The following TRDN variants were observed in gnomAD, a reference collection of about 807,000 sequenced individuals.
TRDN encodes triadin in skeletal muscle.
A neutral mutation model predicts 149.7 loss-of-function variants in TRDN; 161 were observed. That is an observed-to-expected ratio of 1.08 (90% CI 0.95 to 1.23). TRDN has a LOEUF of 1.23. Among genes scored for constraint, TRDN ranks in the 50% most tolerant of loss-of-function variants. TRDN has a pLI of 0.00. For missense variants in TRDN, 896 were observed against 823.5 expected, an observed-to-expected ratio of 1.09 and a Z score of -1.08; for synonymous variants, 294 against 250.5, an observed-to-expected ratio of 1.17 and a Z score of -1.64.
At chr6:123,245,763 C>T (rs748101791) in intron 38 of TRDN, among the ~76,000 whole-genome samples, 11 of 152,176 alleles carry the variant, frequency 7.2e-5, no homozygotes, top group Admixed American at 1.3e-4. Context: ...CTACAGAACT[C>T]TCCAACCAAA....
chr6:123,357,139 C>CA (rs1455602917), intron 20 of TRDN, among the ~76,000 whole-genome samples: 1 of 151,820 alleles, frequency 6.6e-6, no homozygotes, highest in South Asian at 2.1e-4. Context: ...ATTAGATCTC[C>CA]AAAATCCCAC....
In TRDN at chr6:123,456,826, T is replaced by C. The variant is rs1052244370; in HGVS notation, c.931+8080A>G. 8.8e-6 allele frequency: 4 copies of C among 455,910 alleles called. No homozygotes were observed. In the East Asian group the frequency reaches 2.8e-4, roughly 32 times the overall value. The allele number at this position is 455,910 out of a possible 1,614,324, so 28.2% of individuals were successfully genotyped here. ...TGTAAAATACACTTGGTCTTGAAGATGCAGCCACTTTTCTCACTCATTCTA... is the reference window on the plus strand; with the variant it reads ...TGTAAAATACACTTGGTCTTGAAGACGCAGCCACTTTTCTCACTCATTCTA... On this transcript the variant is annotated intron_variant, in intron 10 of 40. Transcript: ENST00000334268.
intron 6 of TRDN, among the ~76,000 whole-genome samples, chr6:123,514,415 C>A (rs1354439648): frequency 6.6e-6 from 1 of 152,054 alleles, no homozygotes; most frequent in Non-Finnish European, 1.5e-5. Context: ...TGAATTAATT[C>A]TTGAATGAAG....
intron 24 of TRDN, among the ~76,000 whole-genome samples, chr6:123,299,259 G>C (rs563262277): frequency 6.6e-6 from 1 of 152,108 alleles, no homozygotes; most frequent in African/African-American, 2.4e-5. Context: ...AGGGGGTGAA[G>C]GGTTTGTGAG....
rs1490886443 is a variant in TRDN, at chr6:123,584,885, C to T, written c.23-13753G>A. On this transcript the variant is annotated intron_variant, in intron 1 of 40. Transcript: ENST00000334268. ...GCAAAACAATTTGGTTGATAAGGCG[C>T]AGATCCTGAACTAACTTGTAAGGCT... Among the ~76,000 whole-genome samples the T allele has an allele frequency of 9.9e-5, 15 of 152,232 alleles. No homozygotes were observed. The East Asian group carries it at 1.2e-3, about 12-fold the overall frequency.
At chr6:123,384,941 A>T (rs1781851334) in intron 14 of TRDN, among the ~76,000 whole-genome samples, 1 of 152,166 alleles carries the variant, frequency 6.6e-6, no homozygotes, top group Non-Finnish European at 1.5e-5. Flanking sequence ...AGCTTAAAAC[A>T]TTACAAAGGC....
At chr6:123,425,627 G>T (rs1345025424) in intron 12 of TRDN, among the ~76,000 whole-genome samples, 1 of 152,040 alleles carries the variant, frequency 6.6e-6, no homozygotes, top group Non-Finnish European at 1.5e-5. Flanking sequence ...GTCTAAGAGG[G>T]TGAGTGAAGA....
At chr6:123,404,736 C>A (rs180957766) in intron 12 of TRDN, among the ~76,000 whole-genome samples, 1 of 152,190 alleles carries the variant, frequency 6.6e-6, no homozygotes, top group African/African-American at 2.4e-5. Flanking sequence ...TGAGCCACTG[C>A]GCCTCCCATG....
At chr6:123,578,872 G>C (rs1457268005) in intron 1 of TRDN, among the ~76,000 whole-genome samples, 1 of 151,924 alleles carries the variant, frequency 6.6e-6, no homozygotes, top group African/African-American at 2.4e-5. Context: ...TACCTCCCTG[G>C]TTACATGTAC....
chr6:123,574,857 CATATATAT>C (rs1162190609), intron 1 of TRDN, among the ~76,000 whole-genome samples: 33 of 50,552 alleles, frequency 6.5e-4, no homozygotes, highest in Middle Eastern at 0.014. Flanking sequence ...TTTATATATA[CATATATAT>C]ATATATATAT....
At chr6:123,526,511 C>T (rs1300830319) in intron 5 of TRDN, among the ~76,000 whole-genome samples, 1 of 151,954 alleles carries the variant, frequency 6.6e-6, no homozygotes, top group Admixed American at 6.6e-5. Context: ...AGATAACAGG[C>T]AAAAATGTGG....
intron 30 of TRDN, 110 bp from the exon 31 acceptor site, chr6:123,269,976 GCTTAAA>G (rs1777152114): frequency 1.0e-6 from 1 of 1,003,462 alleles, no homozygotes; most frequent in African/African-American, 1.6e-5. Flanking sequence ...CACCTCCTTA[GCTTAAA>G]CTTAACCTGT....
At chr6:123,437,549 C>T (rs200082727) in intron 12 of TRDN, 1 of 206,128 alleles carries the variant, frequency 4.9e-6, no homozygotes, top group Admixed American at 5.4e-5. Flanking sequence ...GGGACATTTA[C>T]AAGCCACTTT....
At chr6:123,596,979 T>C (rs1784067505) in intron 1 of TRDN, among the ~76,000 whole-genome samples, 1 of 151,946 alleles carries the variant, frequency 6.6e-6, no homozygotes, top group African/African-American at 2.4e-5. Flanking sequence ...GATCAAAGAG[T>C]AATTTTTATT....
At chr6:123,257,275 G>T (rs1458064831) in intron 35 of TRDN, among the ~76,000 whole-genome samples, 1 of 150,746 alleles carries the variant, frequency 6.6e-6, no homozygotes, top group Non-Finnish European at 1.5e-5. Flanking sequence ...ACCACGCCCG[G>T]CATGTTTAAA....
intron 24 of TRDN, among the ~76,000 whole-genome samples, chr6:123,304,252 C>CTTTTTTTTT (rs71649806): frequency 3.1e-5 from 4 of 128,950 alleles, no homozygotes; most frequent in African/African-American, 8.5e-5. Flanking sequence ...CTTTTATTTT[C>CTTTTTTTTT]TTTTTTTTTT....
intron 1 of TRDN, among the ~76,000 whole-genome samples, chr6:123,590,919 G>C (rs769122417): frequency 6.6e-6 from 1 of 152,110 alleles, no homozygotes; most frequent in Non-Finnish European, 1.5e-5. Flanking sequence ...GGAAACCACT[G>C]TTTTAAAATA....
chr6:123,269,327 T>C (rs1258719664), intron 31 of TRDN, among the ~76,000 whole-genome samples: 1 of 152,052 alleles, frequency 6.6e-6, no homozygotes, highest in Non-Finnish European at 1.5e-5. Context: ...ATGTTTATAA[T>C]TAAATGGATT....
chr6:123,384,503 A>G (rs1781835659), intron 14 of TRDN, among the ~76,000 whole-genome samples: 2 of 152,230 alleles, frequency 1.3e-5, no homozygotes, highest in Non-Finnish European at 2.9e-5. Flanking sequence ...AACATGGCAT[A>G]TTAGAACAAG....
Sources: allele counts gnomAD v4.1 joint callset (sites outside exome capture counted in the v4.1 genomes callset), GRCh38; gene constraint gnomAD v4.1.1; transcripts MANE v1.5; gene names NCBI Gene and HGNC (gene_info 2026-07-23, HGNC 2026-07-21).